PCED1B: variants seen among roughly 807,000 people sequenced by gnomAD.
PCED1B encodes the protein PC-esterase domain-containing protein 1B.
For synonymous variants in PCED1B, 251 were observed against 246.1 expected, an observed-to-expected ratio of 1.02 and a Z score of -0.19; for missense variants, 573 against 573.9, an observed-to-expected ratio of 1.00 and a Z score of 0.02.
At position 47,161,360 on chromosome 12, in the gene PCED1B, G is replaced by A. The variant is rs182097410; in HGVS notation, c.-525-54862G>A. On this transcript the variant is annotated intron_variant, in intron 2 of 3. Transcript: ENST00000546455. The stretch of plus-strand genomic sequence containing the variant: ...TTCCCCATTGAATTATCTTAGTACC[G>A]TTATTGAAAATCATTTCACCACATA... 4.7e-4 allele frequency among the ~76,000 whole-genome samples: 71 copies of A among 152,282 alleles called. No individual in the cohort carries two copies. In the East Asian group the frequency reaches 5.8e-3, roughly 12 times the overall value.
At chr12:47,100,093 C>G (rs1938637908) in intron 1 of PCED1B, among the ~76,000 whole-genome samples, 2 of 152,192 alleles carry the variant, frequency 1.3e-5, no homozygotes, top group Non-Finnish European at 2.9e-5. Context: ...GAATCTAGAA[C>G]TATTCATAAA....
At chr12:47,184,709 AAAAG>A (rs1942201556) in intron 2 of PCED1B, among the ~76,000 whole-genome samples, 3 of 152,146 alleles carry the variant, frequency 2.0e-5, no homozygotes, top group Admixed American at 6.5e-5. Flanking sequence ...GTCATTTCAT[AAAAG>A]AAAGGATATT....
At chr12:47,121,430 A>G (rs749807052) in intron 2 of PCED1B, among the ~76,000 whole-genome samples, 12 of 152,168 alleles carry the variant, frequency 7.9e-5, no homozygotes, top group Non-Finnish European at 1.8e-4. Context: ...GAAAACTAAA[A>G]TGAAGCCCAA....
intron 1 of PCED1B, among the ~76,000 whole-genome samples, chr12:47,099,621 T>C (rs926684676): frequency 1.3e-5 from 2 of 152,182 alleles, no homozygotes; most frequent in Non-Finnish European, 2.9e-5. Flanking sequence ...ACCTTCCTTT[T>C]CCCTTTTGCC....
chr12:47,100,198 C>T (rs572479696), intron 1 of PCED1B, among the ~76,000 whole-genome samples: 2 of 152,204 alleles, frequency 1.3e-5, no homozygotes, highest in African/African-American at 2.4e-5. Flanking sequence ...TATCATTAAA[C>T]GCAAGGGTAG....
intron 3 of PCED1B, among the ~76,000 whole-genome samples, chr12:47,217,544 G>A (rs1565608299): frequency 1.4e-5 from 2 of 146,978 alleles, no homozygotes; most frequent in African/African-American, 5.2e-5. Flanking sequence ...AAAAGAAAAG[G>A]AAAGAAAGAA....
intron 2 of PCED1B, chr12:47,209,905 C>T (rs150319702): frequency 3.0e-4 from 45 of 152,368 alleles, no homozygotes; most frequent in African/African-American, 1.1e-3. Flanking sequence ...CACAGCACCA[C>T]CACAGCAGGA....
At chr12:47,133,490 G>C (rs1338452924) in intron 2 of PCED1B, among the ~76,000 whole-genome samples, 1 of 152,130 alleles carries the variant, frequency 6.6e-6, no homozygotes, top group Admixed American at 6.5e-5. Context: ...GTAGGGATGG[G>C]GGGTACATCA....
At chr12:47,186,001 C>A (rs10881065) in intron 2 of PCED1B, among the ~76,000 whole-genome samples, 80,700 of 151,664 alleles carry the variant, frequency 0.53, 22,140 homozygotes, top group Non-Finnish European at 0.6. Flanking sequence ...GGGCGGATCA[C>A]GAGGTCAAGA....
At chr12:47,135,732 T>C in intron 2 of PCED1B, 1 of 531,996 alleles carries the variant, frequency 1.9e-6, no homozygotes, top group South Asian at 1.4e-5. Flanking sequence ...CCAGACGACA[T>C]GGTCGGGCAC....
In PCED1B at chr12:47,235,190, C is replaced by T; in HGVS notation, c.127C>T (p.Leu43Phe). Residue 43 changes from leucine to phenylalanine, a missense_variant, in exon 4 of 4, where the codon CTC becomes TTC. Physicochemically the swap from Leu to Phe is conservative, Grantham distance 22 (BLOSUM62 0). Coordinates refer to ENST00000546455, the MANE Select transcript of PCED1B (RefSeq NM_138371.3). ...LVLLLQKDRL[L>F]TPGQLRARGE... ...GCTTCTGCTGCAGAAGGACCGCCTG[C>T]TCACTCCCGGGCAGCTTAGAGCAAG... 6.3e-7 allele frequency: 1 copy of T among 1,598,208 alleles called. No homozygotes were observed.
At chr12:47,190,860 G>A (rs1348093462) in intron 2 of PCED1B, among the ~76,000 whole-genome samples, 4 of 152,176 alleles carry the variant, frequency 2.6e-5, no homozygotes. Context: ...GGGCTTTTAC[G>A]AGTAAGGTAG....
At chr12:47,221,358 T>TTG in intron 3 of PCED1B, among the ~76,000 whole-genome samples, 1 of 150,312 alleles carries the variant, frequency 6.7e-6, no homozygotes, top group East Asian at 1.9e-4. Context: ...TTTTTTTTTT[T>TTG]TTTAAGAAAG....
intron 2 of PCED1B, among the ~76,000 whole-genome samples, chr12:47,105,121 A>C (rs1219725407): frequency 6.6e-6 from 1 of 152,172 alleles, no homozygotes; most frequent in African/African-American, 2.4e-5. Flanking sequence ...TGTGGACCTT[A>C]CAAAGCAGAG....
At chr12:47,164,498 G>A (rs1941482941) in intron 2 of PCED1B, among the ~76,000 whole-genome samples, 1 of 152,228 alleles carries the variant, frequency 6.6e-6, no homozygotes, top group South Asian at 2.1e-4. Context: ...GGTCCCCAAG[G>A]CCTCAGAAAG....
intron 2 of PCED1B, among the ~76,000 whole-genome samples, chr12:47,215,035 TG>T (rs1342048945): frequency 2.7e-5 from 4 of 149,336 alleles, no homozygotes; most frequent in Non-Finnish European, 5.9e-5. Flanking sequence ...TACGGGAACC[TG>T]GGGGTGGTAT....
chr12:47,234,904 C>A, intron 3 of PCED1B, 103 bp from the exon 4 acceptor site: 2 of 560,374 alleles, frequency 3.6e-6, no homozygotes, highest in Non-Finnish European at 5.8e-6. Flanking sequence ...AGGGCAGAGG[C>A]CACAGCGCCA....
At chr12:47,203,419 C>A (rs11611892) in intron 2 of PCED1B, among the ~76,000 whole-genome samples, 3,673 of 152,210 alleles carry the variant, frequency 0.024, 60 homozygotes, top group Admixed American at 0.046. Context: ...AGGTATTAAG[C>A]CCAGCATCCA....
At chr12:47,162,004 A>G (rs1289306071) in intron 2 of PCED1B, among the ~76,000 whole-genome samples, 1 of 152,036 alleles carries the variant, frequency 6.6e-6, no homozygotes, top group Non-Finnish European at 1.5e-5. Flanking sequence ...TCAGCAAACT[A>G]TTGCAAGGAC....
Sources: gnomAD v4.1 joint callset for allele counts (sites outside exome capture counted in the v4.1 genomes callset) on GRCh38, gnomAD v4.1.1 for gene constraint, MANE v1.5 for transcripts, NCBI Gene and HGNC (gene_info 2026-07-23, HGNC 2026-07-21) for gene names.